Variants in KCNQ1 observed in about 807,000 individuals in gnomAD.
KCNQ1 encodes potassium voltage-gated channel subfamily Q member 1, also known as potassium voltage-gated channel subfamily KQT member 1.
Under a neutral mutation model 72.4 loss-of-function variants are expected in KCNQ1, and 49 were observed. That is an observed-to-expected ratio of 0.68 (90% CI 0.54 to 0.86). The LOEUF (loss-of-function observed/expected upper bound fraction) is 0.86, where lower values mean the gene tolerates loss of function less well. KCNQ1 is among the 40% of genes least tolerant of loss of function. The pLI, the probability that KCNQ1 is intolerant of heterozygous loss-of-function variation, is 0.00. For synonymous variants in KCNQ1, 450 were observed against 412.6 expected (o/e 1.09, Z -1.10); for missense variants, 790 against 945.1 (o/e 0.84, Z 2.15).
intron 2 of KCNQ1, among the ~76,000 whole-genome samples, chr11:2,529,370 C>G (rs139026386): frequency 6.6e-6 from 1 of 151,694 alleles, no homozygotes; most frequent in East Asian, 1.9e-4. Context: ...TCCCAGTGAA[C>G]GTTGCCATCA....
chr11:2,564,452 C>T lies in KCNQ1; in HGVS notation c.478-6176C>T, dbSNP rs1018743986. ...CTACTAATAATACAAAAAGATTAGCCGGGTGTGGTGGTGGGTGCCTCTAAT... is the reference window on the plus strand; with the variant it reads ...CTACTAATAATACAAAAAGATTAGCTGGGTGTGGTGGTGGGTGCCTCTAAT... On this transcript the variant is annotated intron_variant, in intron 2 of 15. Transcript: ENST00000155840. This position sits in a 1 kb window ranked among gnomAD's most constrained non-coding sequence, Gnocchi z 4.5. Among the ~76,000 whole-genome samples, 15 of 152,154 alleles carry T rather than the reference C, an allele frequency of 9.9e-5. No individual in the cohort carries two copies. In the South Asian group the frequency reaches 2.5e-3, roughly 25 times the overall value.
At chr11:2,487,159 C>T (rs992263754) in intron 1 of KCNQ1, among the ~76,000 whole-genome samples, 1 of 152,150 alleles carries the variant, frequency 6.6e-6, no homozygotes, top group African/African-American at 2.4e-5. Context: ...AGTCTTGGAA[C>T]CCTAGTCAAA....
intron 1 of KCNQ1, among the ~76,000 whole-genome samples, chr11:2,500,256 CA>C (rs1221939958): frequency 6.6e-5 from 10 of 152,176 alleles, no homozygotes; most frequent in Non-Finnish European, 1.0e-4. Flanking sequence ...TTTATGCAGC[CA>C]AAAAACATAT....
At chr11:2,821,183 G>A (rs953529500) in intron 15 of KCNQ1, among the ~76,000 whole-genome samples, 1 of 152,202 alleles carries the variant, frequency 6.6e-6, no homozygotes, top group Non-Finnish European at 1.5e-5. Flanking sequence ...TAGCAACACG[G>A]GTGTCAGAGG....
In KCNQ1 at chr11:2,712,609, T is replaced by A. The variant is rs1350254279; in HGVS notation, c.1514+50528T>A. Among the ~76,000 whole-genome samples the A allele has an allele frequency of 2.0e-5, 3 of 152,190 alleles. No individual in the cohort carries two copies. Among genetic ancestry groups the A allele is most frequent in the Admixed American group, 6.5e-5 (1 of 15,280 alleles). ...TCTCTCTTAGGTGGTTTGAGGAGACTTAGGGGCTTCCATATTCCCCTTGGA... is the reference window on the plus strand; with the variant it reads ...TCTCTCTTAGGTGGTTTGAGGAGACATAGGGGCTTCCATATTCCCCTTGGA... On this transcript the variant is annotated intron_variant, in intron 11 of 15. Coordinates refer to ENST00000155840, the MANE Select transcript of KCNQ1 (RefSeq NM_000218.3). This position sits in a 1 kb window ranked among gnomAD's most constrained non-coding sequence, Gnocchi z 6.4.
rs369146737 is a variant in KCNQ1, at chr11:2,483,220, C to T, written c.386+37736C>T. 8.6e-5 allele frequency among the ~76,000 whole-genome samples: 13 copies of T among 151,994 alleles called. No homozygotes were observed. Among genetic ancestry groups the T allele is most frequent in the East Asian group, 1.9e-4 (1 of 5,186 alleles). ...TGCTGGAGATAGGACGGGAGGGCCA[C>T]GAGGGTTAAGATCCTGAGAGCAATG... On this transcript the variant is annotated intron_variant, in intron 1 of 15. Coordinates refer to ENST00000155840, the MANE Select transcript of KCNQ1 (RefSeq NM_000218.3). The surrounding 1 kb of genome is among the most constrained non-coding windows in gnomAD (Gnocchi z 6.1).
At position 2,824,678 on chromosome 11, in the gene KCNQ1, C is replaced by T. The variant is rs1393155173; in HGVS notation, c.1795-23089C>T. 6.6e-6 allele frequency among the ~76,000 whole-genome samples: 1 copy of T among 152,092 alleles called. No homozygotes were observed. The highest frequency in any genetic ancestry group is 2.4e-5 in the African/African-American group (1 of 41,386). ...GGGCCACTCAAGGGGTGAACAGGGC[C>T]TTGCAGTACAGGAAGCAGCTGGGGG... On this transcript the variant is annotated intron_variant, in intron 15 of 15. Coordinates refer to ENST00000155840, the MANE Select transcript of KCNQ1 (RefSeq NM_000218.3). The surrounding 1 kb of genome is among the most constrained non-coding windows in gnomAD (Gnocchi z 5.9).
At chr11:2,630,481 T>C in intron 10 of KCNQ1, 3 of 398,408 alleles carry the variant, frequency 7.5e-6, no homozygotes, top group Non-Finnish European at 1.3e-5. Context: ...GATCTTATAC[T>C]TCCCCCGCTA....
At position 2,668,757 on chromosome 11, in the gene KCNQ1, T is replaced by C; in HGVS notation, c.1514+6676T>C. The C allele has an allele frequency of 2.5e-6, 1 of 398,638 alleles. No homozygotes were observed. Among genetic ancestry groups the C allele is most frequent in the East Asian group, 3.6e-5 (1 of 28,084 alleles). The allele number at this position is 398,638 out of a possible 1,614,324, so 24.7% of individuals were successfully genotyped here. A position where few individuals can be genotyped will look rare whatever the true frequency, so the allele number is the denominator to read the frequency against. ...GCCTCCCCCTCTGCAGGCTGCCTTC[T>C]TCCTCTCTTGATGGTGTCTTTTGAT... On this transcript the variant is annotated intron_variant, in intron 11 of 15. Transcript: ENST00000155840. The surrounding 1 kb of genome is among the most constrained non-coding windows in gnomAD (Gnocchi z 4.3).
chr11:2,672,866 C>T (rs1850211683), intron 11 of KCNQ1: 1 of 398,754 alleles, frequency 2.5e-6, no homozygotes, highest in East Asian at 3.6e-5. Context: ...GTGTCATACC[C>T]TAGCCACCTG....
chr11:2,454,729 A>G (rs977435388), intron 1 of KCNQ1, among the ~76,000 whole-genome samples: 1 of 152,204 alleles, frequency 6.6e-6, no homozygotes, highest in Non-Finnish European at 1.5e-5. Context: ...TCATCCCTTC[A>G]TTAAAAAACC....
Position 2,759,120 on chromosome 11 carries a change from T to C in KCNQ1, c.1515-9724T>C, listed in dbSNP as rs1231369268. ...AGGACCTCTTGGTACTTTTTTTTTTTTTCCCAACTTCCTAGGAGTCTATAA... is the reference window on the plus strand; with the variant it reads ...AGGACCTCTTGGTACTTTTTTTTTTCTTCCCAACTTCCTAGGAGTCTATAA... On this transcript the variant is annotated intron_variant, in intron 11 of 15. Transcript: ENST00000155840. This position sits in a 1 kb window ranked among gnomAD's most constrained non-coding sequence, Gnocchi z 4.4. Among the ~76,000 whole-genome samples the C allele has an allele frequency of 1.4e-5, 1 of 69,902 alleles. No individual in the cohort carries two copies. Among genetic ancestry groups the C allele is most frequent in the Non-Finnish European group, 2.8e-5 (1 of 36,306 alleles). 45.9% of individuals were successfully genotyped at this position (69,902 alleles called of 152,430 possible).
rs373551105 is a variant in KCNQ1, at chr11:2,747,318, G to A, written c.1515-21526G>A. ...ACTTTAATGGGACTTATTTTGCTTCGTTGCCCAAAGTAATTGGTTTATTAA... is the reference window on the plus strand; with the variant it reads ...ACTTTAATGGGACTTATTTTGCTTCATTGCCCAAAGTAATTGGTTTATTAA... On this transcript the variant is annotated intron_variant, in intron 11 of 15. Coordinates refer to ENST00000155840, the MANE Select transcript of KCNQ1 (RefSeq NM_000218.3). Among the ~76,000 whole-genome samples the A allele has an allele frequency of 7.9e-5, 12 of 152,316 alleles. No homozygotes were observed. The East Asian group carries it at 9.7e-4, about 12-fold the overall frequency.
At chr11:2,732,972 C>T (rs1186576411) in intron 11 of KCNQ1, among the ~76,000 whole-genome samples, 2 of 152,156 alleles carry the variant, frequency 1.3e-5, no homozygotes, top group Admixed American at 6.5e-5. Flanking sequence ...CTGGTGACCA[C>T]CCACAGGCAG....
Position 2,579,880 on chromosome 11 carries a change from G to C in KCNQ1, c.922-3555G>C, listed in dbSNP as rs1020842349. Among the ~76,000 whole-genome samples, 1 of 152,006 alleles carries C rather than the reference G, an allele frequency of 6.6e-6. No individual in the cohort carries two copies. Among genetic ancestry groups the C allele is most frequent in the Non-Finnish European group, 1.5e-5 (1 of 67,994 alleles). On this transcript the variant is annotated intron_variant, in intron 6 of 15. Coordinates refer to ENST00000155840, the MANE Select transcript of KCNQ1 (RefSeq NM_000218.3). This position sits in a 1 kb window ranked among gnomAD's most constrained non-coding sequence, Gnocchi z 6.0. ...GGGGGCAGGTTTGGAAGGTGGTCTC[G>C]GGTGTCCTTACGCGAGCAGGTGGCT...
intron 11 of KCNQ1, chr11:2,662,453 TGG>T: frequency 3.9e-6 from 1 of 257,012 alleles, no homozygotes; most frequent in Non-Finnish European, 7.5e-6. Context: ...GCCAAAGCCA[TGG>T]GGCAGATGCC....
rs775933492 is a variant in KCNQ1, at chr11:2,484,851, A to C, written c.386+39367A>C. Among the ~76,000 whole-genome samples the C allele has an allele frequency of 2.0e-5, 3 of 151,922 alleles. No homozygotes were observed. Among genetic ancestry groups the C allele is most frequent in the Non-Finnish European group, 4.4e-5 (3 of 67,968 alleles). The stretch of plus-strand genomic sequence containing the variant: ...CATGAGTGGGCTCATACTGTCTCCA[A>C]CTCCAGTTCTGCCCCAGTGGGGCCA... On this transcript the variant is annotated intron_variant, in intron 1 of 15. Transcript: ENST00000155840. The surrounding 1 kb of genome is among the most constrained non-coding windows in gnomAD (Gnocchi z 5.2).
chr11:2,661,842 G>T lies in KCNQ1; in HGVS notation c.1394-119G>T. 1 of 1,294,594 alleles carries T rather than the reference G, an allele frequency of 7.7e-7. No homozygotes were observed. The highest frequency in any genetic ancestry group is 1.2e-5 in the South Asian group (1 of 83,614). 80.2% of individuals were successfully genotyped at this position (1,294,594 alleles called of 1,614,324 possible). A position where few individuals can be genotyped will look rare whatever the true frequency, so the allele number is the denominator to read the frequency against. On this transcript the variant is annotated intron_variant, in intron 10 of 15. Coordinates refer to ENST00000155840, the MANE Select transcript of KCNQ1 (RefSeq NM_000218.3). The surrounding 1 kb of genome is among the most constrained non-coding windows in gnomAD (Gnocchi z 5.9). ...AACTATAAAACTGATTGTCAGGGCTGGAGCTTCCAGGCACAAGCTCCACTC... is the reference window on the plus strand; with the variant it reads ...AACTATAAAACTGATTGTCAGGGCTTGAGCTTCCAGGCACAAGCTCCACTC...
At chr11:2,728,803 C>T (rs961547437) in intron 11 of KCNQ1, among the ~76,000 whole-genome samples, 1 of 152,200 alleles carries the variant, frequency 6.6e-6, no homozygotes, top group Non-Finnish European at 1.5e-5. Flanking sequence ...CAGCCCTTGG[C>T]CCCTCAGCAC....
Sources: gnomAD v4.1 joint callset for allele counts (sites outside exome capture counted in the v4.1 genomes callset) on GRCh38, gnomAD v4.1.1 for gene constraint, Gnocchi (gnomAD v3.1) non-coding constraint, MANE v1.5 for transcripts, NCBI Gene and HGNC (gene_info 2026-07-23, HGNC 2026-07-21) for gene names.